HMBOX1: variants seen among roughly 807,000 people sequenced by gnomAD.
The protein encoded by HMBOX1 is homeobox-containing protein 1.
In HMBOX1, 14 loss-of-function variants were observed where a neutral mutation model predicts 54.5. The observed-to-expected ratio is 0.26, with a 90% CI of 0.17 to 0.40. HMBOX1 has a LOEUF of 0.40. HMBOX1 is among the 10% of genes least tolerant of loss of function. The pLI is 1.00. For synonymous variants in HMBOX1, 160 were observed against 181.0 expected, an observed-to-expected ratio of 0.88 and a Z score of 0.93; for missense variants, 332 against 514.4, an observed-to-expected ratio of 0.65 and a Z score of 3.43.
chr8:28,999,459 T>G (rs1217845324), intron 4 of HMBOX1, among the ~76,000 whole-genome samples: 1 of 152,188 alleles, frequency 6.6e-6, no homozygotes, highest in Admixed American at 6.5e-5. Flanking sequence ...TGGTCACTAT[T>G]TTTTCAAAAT....
chr8:28,947,859 G>A (rs890733548), intron 1 of HMBOX1, among the ~76,000 whole-genome samples: 6 of 152,202 alleles, frequency 3.9e-5, no homozygotes, highest in African/African-American at 4.8e-5. Flanking sequence ...AAACTGATAG[G>A]CTGTGAGATC....
At chr8:29,049,685 A>C (rs571547984) in intron 9 of HMBOX1, 1 of 293,190 alleles carries the variant, frequency 3.4e-6, no homozygotes, top group Non-Finnish European at 6.4e-6. Context: ...TGCGTGGAGT[A>C]ATTCAGTAAC....
rs76419887 is a variant in HMBOX1, at chr8:29,009,230, T to C, written c.697+48T>C. The C allele has an allele frequency of 9.9e-5, 141 of 1,430,750 alleles. No homozygotes were observed. The African/African-American group carries it at 1.6e-3, about 16-fold the overall frequency. 88.6% of individuals were successfully genotyped at this position (1,430,750 alleles called of 1,614,324 possible). On this transcript the variant is annotated intron_variant, in intron 5 of 9. Coordinates refer to ENST00000287701, the MANE Select transcript of HMBOX1 (RefSeq NM_001135726.3). ...TATTGCATCTGAAACAAGACAGATATAATGAATTACTTTAATGACTCCATG... is the reference window on the plus strand; with the variant it reads ...TATTGCATCTGAAACAAGACAGATACAATGAATTACTTTAATGACTCCATG...
chr8:28,892,659 A>G (rs532080754), intron 1 of HMBOX1, among the ~76,000 whole-genome samples: 2 of 152,088 alleles, frequency 1.3e-5, no homozygotes, highest in South Asian at 4.1e-4. Flanking sequence ...TTGATTTAAA[A>G]TTTTTGCTGT....
intron 4 of HMBOX1, among the ~76,000 whole-genome samples, chr8:29,002,562 A>C (rs1404240848): frequency 6.6e-6 from 1 of 152,108 alleles, no homozygotes; most frequent in Non-Finnish European, 1.5e-5. Flanking sequence ...GAACCATTAA[A>C]TATTGCCCAT....
At chr8:28,896,361 T>A (rs1203433741) in intron 1 of HMBOX1, among the ~76,000 whole-genome samples, 1 of 152,242 alleles carries the variant, frequency 6.6e-6, no homozygotes, top group Non-Finnish European at 1.5e-5. Flanking sequence ...GTGTGTATAG[T>A]TCTATGCCAT....
intron 5 of HMBOX1, among the ~76,000 whole-genome samples, chr8:29,011,685 A>G (rs1834242582): frequency 6.6e-6 from 1 of 151,860 alleles, no homozygotes; most frequent in Middle Eastern, 3.2e-3. Context: ...CAGCTTTAGC[A>G]CTGGGCTGAT....
chr8:28,947,170 A>T (rs1822616515), intron 1 of HMBOX1, among the ~76,000 whole-genome samples: 1 of 152,196 alleles, frequency 6.6e-6, no homozygotes, highest in Admixed American at 6.5e-5. Context: ...TATGTCTGTT[A>T]GCAAGGCAAT....
chr8:28,995,853 A>G (rs1368510430), intron 4 of HMBOX1, among the ~76,000 whole-genome samples: 1 of 152,236 alleles, frequency 6.6e-6, no homozygotes, highest in Non-Finnish European at 1.5e-5. Context: ...CTGTAATCCC[A>G]GCACTTTGGA....
intron 6 of HMBOX1, among the ~76,000 whole-genome samples, chr8:29,030,185 T>G (rs993592815): frequency 3.3e-5 from 5 of 151,974 alleles, no homozygotes; most frequent in African/African-American, 1.2e-4. Flanking sequence ...TCCAGTTTTT[T>G]TTTTTTTTTT....
chr8:28,906,468 A>G (rs905272117), intron 1 of HMBOX1, among the ~76,000 whole-genome samples: 1 of 152,190 alleles, frequency 6.6e-6, no homozygotes, highest in African/African-American at 2.4e-5. Flanking sequence ...CTTACATTAC[A>G]TTTATAAAAT....
intron 1 of HMBOX1, among the ~76,000 whole-genome samples, chr8:28,943,724 T>A (rs1372248352): frequency 1.3e-5 from 2 of 152,196 alleles, no homozygotes; most frequent in Admixed American, 1.3e-4. Flanking sequence ...CAGTATAACC[T>A]TCAATGATAA....
At chr8:28,992,581 A>G (rs1046653232) in intron 4 of HMBOX1, among the ~76,000 whole-genome samples, 7 of 152,092 alleles carry the variant, frequency 4.6e-5, no homozygotes, top group Admixed American at 3.3e-4. Flanking sequence ...GGAAGAGTAT[A>G]CAATGCTGGC....
At chr8:29,010,110 C>G in intron 5 of HMBOX1, 1 of 979,194 alleles carries the variant, frequency 1.0e-6, no homozygotes, top group Non-Finnish European at 1.2e-6. Context: ...CCGAATGGTC[C>G]AGGCAGGATG....
intron 6 of HMBOX1, among the ~76,000 whole-genome samples, chr8:29,033,105 T>G (rs1294307328): frequency 6.6e-6 from 1 of 152,128 alleles, no homozygotes; most frequent in Non-Finnish European, 1.5e-5. Flanking sequence ...TGGCCTATAA[T>G]GAATGAGGAT....
intron 1 of HMBOX1, among the ~76,000 whole-genome samples, chr8:28,892,339 G>C (rs918359095): frequency 6.6e-6 from 1 of 151,966 alleles, no homozygotes; most frequent in Non-Finnish European, 1.5e-5. Flanking sequence ...AAAAAGGAAA[G>C]GATTGCAACA....
intron 4 of HMBOX1, among the ~76,000 whole-genome samples, chr8:28,995,931 T>G (rs902070346): frequency 2.0e-5 from 3 of 151,712 alleles, no homozygotes; most frequent in Admixed American, 1.3e-4. Flanking sequence ...TGAAACCCCG[T>G]CTCTACTAAA....
intron 8 of HMBOX1, 111 bp downstream of exon 8, chr8:29,047,564 C>CTTTTTTTT (rs33978272): frequency 6.5e-6 from 2 of 308,382 alleles, no homozygotes; most frequent in African/African-American, 2.8e-5. Flanking sequence ...CCTAACTTCT[C>CTTTTTTTT]TTTTTTTTTT....
intron 4 of HMBOX1, among the ~76,000 whole-genome samples, chr8:29,004,903 C>G (rs143900119): frequency 1.3e-5 from 2 of 152,140 alleles, no homozygotes; most frequent in African/African-American, 2.4e-5. Context: ...GTTCAAGGAG[C>G]CTTACCCATC....
Sources: allele counts gnomAD v4.1 joint callset (sites outside exome capture counted in the v4.1 genomes callset), GRCh38; gene constraint gnomAD v4.1.1; transcripts MANE v1.5; gene names NCBI Gene and HGNC (gene_info 2026-07-23, HGNC 2026-07-21).